RNF169: variants seen among roughly 807,000 people sequenced by gnomAD.
RNF169 encodes the protein ring finger protein 169.
In RNF169, 24 loss-of-function variants were observed where a neutral mutation model predicts 53.9. That is an observed-to-expected ratio of 0.45 (90% CI 0.32 to 0.63). The LOEUF (loss-of-function observed/expected upper bound fraction) is 0.63, where lower values mean the gene tolerates loss of function less well. Among genes scored for constraint, RNF169 ranks in the 20% least tolerant of loss-of-function variants. The pLI is 0.04. For missense variants in RNF169, 883 were observed against 906.2 expected, an observed-to-expected ratio of 0.97 and a Z score of 0.33; for synonymous variants, 396 against 363.5, an observed-to-expected ratio of 1.09 and a Z score of -1.02.
chr11:74,786,678 T>C (rs373095725), intron 1 of RNF169, among the ~76,000 whole-genome samples: 6 of 152,244 alleles, frequency 3.9e-5, no homozygotes, highest in African/African-American at 1.4e-4. Context: ...TTCTGCTGCA[T>C]GCCACTCTAC....
chr11:74,785,232 T>A (rs543136770), intron 1 of RNF169, among the ~76,000 whole-genome samples: 1 of 81,540 alleles, frequency 1.2e-5, no homozygotes, highest in Non-Finnish European at 2.0e-5. Context: ...TTATATATAT[T>A]ATATATATGT....
chr11:74,802,977 T>A (rs138302629), intron 2 of RNF169, among the ~76,000 whole-genome samples: 1 of 151,282 alleles, frequency 6.6e-6, no homozygotes, highest in Non-Finnish European at 1.5e-5. Context: ...CTGGAGTGCA[T>A]TGGGGCAATC....
chr11:74,785,931 G>A (rs375247741), intron 1 of RNF169, among the ~76,000 whole-genome samples: 2 of 142,424 alleles, frequency 1.4e-5, no homozygotes, highest in African/African-American at 5.2e-5. Flanking sequence ...CATTATCTTT[G>A]TTTTCTTTTC....
At chr11:74,798,056 A>G (rs935333996) in intron 2 of RNF169, among the ~76,000 whole-genome samples, 5 of 152,300 alleles carry the variant, frequency 3.3e-5, no homozygotes, top group Admixed American at 2.6e-4. Context: ...TCAGCCGAGG[A>G]GGATGTATGT....
chr11:74,775,478 A>G (rs2035319804), intron 1 of RNF169, among the ~76,000 whole-genome samples: 1 of 151,380 alleles, frequency 6.6e-6, no homozygotes, highest in African/African-American at 2.4e-5. Context: ...GACCATGATT[A>G]CTTGTAAGTT....
intron 1 of RNF169, among the ~76,000 whole-genome samples, chr11:74,749,659 G>C (rs2135295408): frequency 6.6e-6 from 1 of 152,322 alleles, no homozygotes; most frequent in East Asian, 1.9e-4. Flanking sequence ...AACAAGTTAG[G>C]GGCAGGTTGG....
At chr11:74,766,984 TA>T (rs1253035828) in intron 1 of RNF169, among the ~76,000 whole-genome samples, 1 of 152,196 alleles carries the variant, frequency 6.6e-6, no homozygotes, top group African/African-American at 2.4e-5. Flanking sequence ...CACAGATTTT[TA>T]TTTTTTGTCT....
chr11:74,797,012 C>G (rs2035658781), intron 2 of RNF169, among the ~76,000 whole-genome samples: 1 of 152,176 alleles, frequency 6.6e-6, no homozygotes, highest in South Asian at 2.1e-4. Context: ...ACCACCTTCC[C>G]TGGCCTTCTG....
At chr11:74,780,401 A>C (rs1489505139) in intron 1 of RNF169, among the ~76,000 whole-genome samples, 1 of 152,158 alleles carries the variant, frequency 6.6e-6, no homozygotes, top group Non-Finnish European at 1.5e-5. Flanking sequence ...GACACAACAT[A>C]GTCACTTCTG....
intron 2 of RNF169, among the ~76,000 whole-genome samples, chr11:74,804,048 A>T (rs140531540): frequency 1.4e-3 from 216 of 152,356 alleles, no homozygotes; most frequent in South Asian, 3.9e-3. Flanking sequence ...ATCACTTCTC[A>T]GCCAGGGCCA....
chr11:74,788,302 AACACACACAC>A (rs140848727), intron 1 of RNF169, among the ~76,000 whole-genome samples: 4 of 150,116 alleles, frequency 2.7e-5, no homozygotes, highest in African/African-American at 9.8e-5. Flanking sequence ...CATAAACATA[AACACACACAC>A]ACACACACAC....
chr11:74,820,168 G>T (rs982558823), intron 4 of RNF169, among the ~76,000 whole-genome samples: 3 of 152,160 alleles, frequency 2.0e-5, no homozygotes. Flanking sequence ...AGATGCATAA[G>T]TGATGTGATA....
rs1591380083 is a variant in RNF169 at position 74,748,952 on chromosome 11, G to A, written c.72G>A (p.Arg24=). 6 of 1,467,960 alleles carry A rather than the reference G, an allele frequency of 4.1e-6. No individual in the cohort carries two copies. Among genetic ancestry groups the A allele is most frequent in the Non-Finnish European group, 5.5e-6 (6 of 1,098,136 alleles). 90.9% of individuals were successfully genotyped at this position (1,467,960 alleles called of 1,614,324 possible). A position where few individuals can be genotyped will look rare whatever the true frequency, so the allele number is the denominator to read the frequency against. ...AAAAALSRRG[R]RGRCDETAAA... is the part of the protein sequence containing the mutation. ...CAGCCGCTCTGAGTCGGCGGGGCCG[G>A]CGGGGCCGCTGTGACGAGACGGCGG... Residue 24 remains arginine, a synonymous_variant, in exon 1 of 6, where the codon CGG becomes CGA. Coordinates refer to ENST00000299563, the MANE Select transcript of RNF169 (RefSeq NM_001098638.2).
At position 74,836,799 on chromosome 11, in the gene RNF169, G is replaced by T; in HGVS notation, c.*69G>T. On this transcript the variant is annotated 3_prime_UTR_variant, in exon 6 of 6. Coordinates refer to ENST00000299563, the MANE Select transcript of RNF169 (RefSeq NM_001098638.2). ...GATCATTTATCCTGAAGAGCTGAGTGTTCTCACTTTGGTTTTATTTTAATG... is the reference window on the plus strand; with the variant it reads ...GATCATTTATCCTGAAGAGCTGAGTTTTCTCACTTTGGTTTTATTTTAATG... The T allele has an allele frequency of 1.6e-6, 2 of 1,243,514 alleles. No individual in the cohort carries two copies. Among genetic ancestry groups the T allele is most frequent in the Non-Finnish European group, 2.2e-6 (2 of 899,378 alleles). The allele number at this position is 1,243,514 out of a possible 1,614,324, so 77.0% of individuals were successfully genotyped here. A position where few individuals can be genotyped will look rare whatever the true frequency, so the allele number is the denominator to read the frequency against.
chr11:74,764,092 C>T (rs1376015007), intron 1 of RNF169, among the ~76,000 whole-genome samples: 1 of 152,190 alleles, frequency 6.6e-6, no homozygotes, highest in Non-Finnish European at 1.5e-5. Context: ...ACACCAAAGA[C>T]TATTAAGTAT....
At chr11:74,790,140 A>G (rs1390792935) in intron 2 of RNF169, among the ~76,000 whole-genome samples, 1 of 152,208 alleles carries the variant, frequency 6.6e-6, no homozygotes, top group Admixed American at 6.5e-5. Flanking sequence ...TAGTGAAATA[A>G]TTTCCTAGTT....
At chr11:74,778,784 C>G (rs2035374666) in intron 1 of RNF169, among the ~76,000 whole-genome samples, 1 of 152,200 alleles carries the variant, frequency 6.6e-6, no homozygotes, top group Admixed American at 6.5e-5. Context: ...GACAGGGGCT[C>G]AGGTGTTCCT....
intron 2 of RNF169, among the ~76,000 whole-genome samples, chr11:74,809,769 T>C (rs1314251215): frequency 6.6e-6 from 1 of 152,252 alleles, no homozygotes; most frequent in African/African-American, 2.4e-5. Flanking sequence ...AAGTCACTCT[T>C]TTGTTGCCAA....
intron 4 of RNF169, among the ~76,000 whole-genome samples, chr11:74,828,425 A>G (rs976403300): frequency 3.9e-5 from 6 of 152,234 alleles, no homozygotes; most frequent in African/African-American, 1.2e-4. Context: ...TATAGATTCA[A>G]TTCTATTCCC....
Sources: gnomAD v4.1 joint callset for allele counts (sites outside exome capture counted in the v4.1 genomes callset) on GRCh38, gnomAD v4.1.1 for gene constraint, MANE v1.5 for transcripts, NCBI Gene and HGNC (gene_info 2026-07-23, HGNC 2026-07-21) for gene names.